The following HAPLN1 variants were observed in gnomAD, a reference collection of about 807,000 sequenced individuals.
The protein encoded by HAPLN1 is hyaluronan and proteoglycan link protein 1.
HAPLN1 carries 13 observed loss-of-function variants against 36.5 expected under a neutral mutation model. That is an observed-to-expected ratio of 0.36 (90% CI 0.23 to 0.57). The LOEUF (loss-of-function observed/expected upper bound fraction) is 0.57. Among genes scored for constraint, HAPLN1 ranks in the 20% least tolerant of loss-of-function variants. The probability of loss-of-function intolerance (pLI) is 0.83; values close to 1 mark genes in which losing one functional copy is unlikely to be tolerated. For synonymous variants in HAPLN1, 202 were observed against 169.8 expected, an observed-to-expected ratio of 1.19 and a Z score of -1.48; for missense variants, 407 against 439.7, an observed-to-expected ratio of 0.93 and a Z score of 0.66.
chr5:83,641,261 C>T lies in HAPLN1; in HGVS notation c.*235G>A, dbSNP rs1324921970. On this transcript the variant is annotated 3_prime_UTR_variant, in exon 5 of 5. Coordinates refer to ENST00000274341, the MANE Select transcript of HAPLN1 (RefSeq NM_001884.4). ...GGATGATACAGCTTAAACAGTTTGG[C>T]TCTAAGTCTCCTTACATAGAGCTTC... 1.4e-5 allele frequency: 3 copies of T among 219,060 alleles called. No individual in the cohort carries two copies. The highest frequency in any genetic ancestry group is 4.6e-5 in the African/African-American group (2 of 43,766). The allele number at this position is 219,060 out of a possible 1,614,324, so 13.6% of individuals were successfully genotyped here. A position where few individuals can be genotyped will look rare whatever the true frequency, so the allele number is the denominator to read the frequency against.
At chr5:83,646,649 G>A (rs1239437155) in intron 3 of HAPLN1, among the ~76,000 whole-genome samples, 1 of 152,172 alleles carries the variant, frequency 6.6e-6, no homozygotes, top group Non-Finnish European at 1.5e-5. Context: ...CTGAATCAGA[G>A]CCAAAAGGAA....
chr5:83,709,550 AG>A (rs5869196), intron 1 of HAPLN1, among the ~76,000 whole-genome samples: 43,475 of 151,852 alleles, frequency 0.29, 6,684 homozygotes, highest in East Asian at 0.42. Context: ...GTTTGTTGCA[AG>A]GGTATGCTGC....
At chr5:83,695,095 T>C (rs2112623746) in intron 1 of HAPLN1, among the ~76,000 whole-genome samples, 1 of 152,110 alleles carries the variant, frequency 6.6e-6, no homozygotes, top group South Asian at 2.1e-4. Context: ...AAATTTAAGG[T>C]TTTCTTTATA....
intron 2 of HAPLN1, among the ~76,000 whole-genome samples, chr5:83,661,588 G>A (rs1316309073): frequency 6.6e-6 from 1 of 151,904 alleles, no homozygotes; most frequent in Non-Finnish European, 1.5e-5. Flanking sequence ...GGGACTACAG[G>A]CGTCTGCCAC....
chr5:83,720,228 C>T (rs1448952847), intron 1 of HAPLN1, among the ~76,000 whole-genome samples: 4 of 152,194 alleles, frequency 2.6e-5, no homozygotes, highest in African/African-American at 7.2e-5. Flanking sequence ...AATGCATCAT[C>T]ATTCTATGAT....
intron 1 of HAPLN1, among the ~76,000 whole-genome samples, chr5:83,704,357 G>A (rs914644573): frequency 6.6e-6 from 1 of 152,072 alleles, no homozygotes; most frequent in Admixed American, 6.6e-5. Flanking sequence ...AACAAGTCAG[G>A]ATAATAACCA....
intron 2 of HAPLN1, among the ~76,000 whole-genome samples, chr5:83,660,744 A>G (rs1360719576): frequency 2.0e-5 from 3 of 152,082 alleles, no homozygotes; most frequent in Non-Finnish European, 4.4e-5. Flanking sequence ...GCAGTTATAG[A>G]GTATTAGTTA....
At chr5:83,708,277 C>G (rs1751697741) in intron 1 of HAPLN1, among the ~76,000 whole-genome samples, 1 of 152,180 alleles carries the variant, frequency 6.6e-6, no homozygotes. Flanking sequence ...TTCATTGCAG[C>G]TCTATTGACA....
At chr5:83,695,508 T>C (rs1751371889) in intron 1 of HAPLN1, among the ~76,000 whole-genome samples, 1 of 150,968 alleles carries the variant, frequency 6.6e-6, no homozygotes, top group Non-Finnish European at 1.5e-5. Flanking sequence ...GATCACTAAA[T>C]AGATTTATAT....
In HAPLN1 at chr5:83,638,008, T is replaced by G. The variant is rs921223186; in HGVS notation, c.*3488A>C. ...CTATAGTTGATTTAGCGACACCATA[T>G]AAATGCTCTTTTTTTTTTTTTGACT... On this transcript the variant is annotated 3_prime_UTR_variant, in exon 5 of 5. Coordinates refer to ENST00000274341, the MANE Select transcript of HAPLN1 (RefSeq NM_001884.4). 4 of 137,836 alleles carry G rather than the reference T, an allele frequency of 2.9e-5. No individual in the cohort carries two copies. Among genetic ancestry groups the G allele is most frequent in the Admixed American group, 7.9e-5 (1 of 12,590 alleles). The allele number at this position is 137,836 out of a possible 1,614,324, so 8.5% of individuals were successfully genotyped here. A position where few individuals can be genotyped will look rare whatever the true frequency, so the allele number is the denominator to read the frequency against.
chr5:83,667,040 C>G (rs1750568989), intron 2 of HAPLN1, among the ~76,000 whole-genome samples: 1 of 152,158 alleles, frequency 6.6e-6, no homozygotes, highest in African/African-American at 2.4e-5. Flanking sequence ...ATGACTGTCT[C>G]TCTCACTAGA....
chr5:83,644,316 G>T, intron 4 of HAPLN1, 47 bp downstream of exon 4: 1 of 1,361,150 alleles, frequency 7.3e-7, no homozygotes, highest in Non-Finnish European at 9.8e-7. Context: ...TTATAGTATG[G>T]AATAGTCTGT....
chr5:83,706,103 C>CAAAAAAAA (rs771717902), intron 1 of HAPLN1, among the ~76,000 whole-genome samples: 1 of 92,306 alleles, frequency 1.1e-5, no homozygotes, highest in Non-Finnish European at 2.3e-5. Flanking sequence ...GCCTACCAAT[C>CAAAAAAAA]GAAAAAAAAA....
In HAPLN1 at chr5:83,644,397, T is replaced by C. The variant is rs1749790033; in HGVS notation, c.741A>G (p.Arg247=). ...NYGFWDKDKS[R]YDVFCFTSNF... ...TGGATGTAAAACAGAAAACATCATA[T>C]CTGCTTTTATCTTTATCCCAAAATC... The change falls in exon 4 of 5, where the codon AGA becomes AGG. Residue 247 remains arginine, a synonymous_variant. Transcript: ENST00000274341. 1 of 1,589,490 alleles carries C rather than the reference T, an allele frequency of 6.3e-7. No homozygotes were observed. Among genetic ancestry groups the C allele is most frequent in the Non-Finnish European group, 8.5e-7 (1 of 1,170,506 alleles).
chr5:83,645,367 A>C (rs1749828260), intron 3 of HAPLN1, among the ~76,000 whole-genome samples: 1 of 152,034 alleles, frequency 6.6e-6, no homozygotes, highest in African/African-American at 2.4e-5. Context: ...CCCATGGCCC[A>C]TGAGCCACAT....
intron 1 of HAPLN1, among the ~76,000 whole-genome samples, chr5:83,699,098 G>A (rs1751452379): frequency 6.6e-6 from 1 of 151,946 alleles, no homozygotes; most frequent in Admixed American, 6.6e-5. Context: ...TTAACCACTG[G>A]TGAAAAAAAG....
At chr5:83,673,240 CA>C (rs1404728150) in intron 2 of HAPLN1, among the ~76,000 whole-genome samples, 183 bp downstream of exon 2, 1 of 152,120 alleles carries the variant, frequency 6.6e-6, no homozygotes, top group Non-Finnish European at 1.5e-5. Flanking sequence ...TAATTGTCCC[CA>C]ATTCTTAACT....
Position 83,638,243 on chromosome 5 carries a change from T to C in HAPLN1, c.*3253A>G, listed in dbSNP as rs1749572044. 6.6e-6 allele frequency: 1 copy of C among 151,190 alleles called. No homozygotes were observed. The highest frequency in any genetic ancestry group is 2.5e-5 in the African/African-American group (1 of 40,626). The allele number at this position is 151,190 out of a possible 1,614,324, so 9.4% of individuals were successfully genotyped here. On this transcript the variant is annotated 3_prime_UTR_variant, in exon 5 of 5. Coordinates refer to ENST00000274341, the MANE Select transcript of HAPLN1 (RefSeq NM_001884.4). ...TTTTAATGTACCAGTTCATTGTATC[T>C]TACAGAAAATCAAAACATTTTTTTT...
At chr5:83,645,475 CTT>C in intron 3 of HAPLN1, among the ~76,000 whole-genome samples, 87 of 74,324 alleles carry the variant, frequency 1.2e-3, no homozygotes, top group Middle Eastern at 8.2e-3. Context: ...CTTTTTCTTT[CTT>C]TTTTTTTTTT....
Sources: gnomAD v4.1 joint callset for allele counts (sites outside exome capture counted in the v4.1 genomes callset) on GRCh38, gnomAD v4.1.1 for gene constraint, MANE v1.5 for transcripts, NCBI Gene and HGNC (gene_info 2026-07-23, HGNC 2026-07-21) for gene names.